CAMK2G: variants seen among roughly 807,000 people sequenced by gnomAD.
The protein encoded by CAMK2G is calcium/calmodulin dependent protein kinase II gamma.
A neutral mutation model predicts 88.7 loss-of-function variants in CAMK2G; 23 were observed. The observed-to-expected ratio is 0.26, with a 90% confidence interval of 0.19 to 0.37. The LOEUF (loss-of-function observed/expected upper bound fraction) is 0.37, where lower values mean the gene tolerates loss of function less well. CAMK2G is among the 10% of genes least tolerant of loss of function. CAMK2G has a pLI of 1.00. For synonymous variants in CAMK2G, 263 were observed against 294.8 expected (o/e 0.89, Z 1.11); for missense variants, 476 against 780.8 (o/e 0.61, Z 4.65).
chr10:73,858,440 A>T (rs1417601471), intron 3 of CAMK2G, among the ~76,000 whole-genome samples: 2 of 152,232 alleles, frequency 1.3e-5, no homozygotes, highest in Non-Finnish European at 2.9e-5. Context: ...GATCCATGGC[A>T]ACCACAGCCG....
intron 19 of CAMK2G, chr10:73,818,585 G>A (rs936241645): frequency 2.4e-6 from 1 of 419,744 alleles, no homozygotes; most frequent in South Asian, 1.7e-5. Context: ...GCACAGCCAA[G>A]CAGCACAGTT....
rs139369516 is a variant in CAMK2G at position 73,839,866 on chromosome 10, C to G, written c.947-265G>C. ...AGGGCTGCAGTGCCTGTCTCATGAC[C>G]CCCTCCGGAGGAGGGTCCACAGCGA... On this transcript the variant is annotated intron_variant, in intron 12 of 22. Transcript: ENST00000423381. This position sits in a 1 kb window ranked among gnomAD's most constrained non-coding sequence, Gnocchi z 4.2. Among the ~76,000 whole-genome samples the G allele has an allele frequency of 0.011, 1,673 of 152,280 alleles. 22 individuals are homozygous for G. The highest frequency in any genetic ancestry group is 0.038 in the African/African-American group (1,560 of 41,552).
At chr10:73,840,739 G>A (rs1442943308) in intron 12 of CAMK2G, among the ~76,000 whole-genome samples, 1 of 152,246 alleles carries the variant, frequency 6.6e-6, no homozygotes. Flanking sequence ...GGCTAAAAGA[G>A]AAGCAGCAGA....
intron 1 of CAMK2G, among the ~76,000 whole-genome samples, chr10:73,873,873 G>T (rs920511302): frequency 7.2e-6 from 1 of 138,066 alleles, no homozygotes; most frequent in East Asian, 2.3e-4. Context: ...CTGCAGGGGT[G>T]GGGGGAGGGG....
chr10:73,845,159 A>G (rs1328385987), intron 10 of CAMK2G, among the ~76,000 whole-genome samples: 1 of 152,168 alleles, frequency 6.6e-6, no homozygotes, highest in African/African-American at 2.4e-5. Context: ...CTCACTACCA[A>G]CTACACAGAA....
chr10:73,837,655 T>C, intron 13 of CAMK2G, 144 bp from the exon 14 acceptor site: 1 of 744,516 alleles, frequency 1.3e-6, no homozygotes, highest in South Asian at 1.4e-5. Context: ...GCACTTCCTA[T>C]AGCCTCTCAG....
At chr10:73,874,079 G>A (rs908547878) in intron 1 of CAMK2G, among the ~76,000 whole-genome samples, 2 of 145,778 alleles carry the variant, frequency 1.4e-5, no homozygotes, top group African/African-American at 5.1e-5. Context: ...ACCGGGCAGC[G>A]TTGGGAGGTG....
chr10:73,840,688 G>A (rs1474951341), intron 12 of CAMK2G, among the ~76,000 whole-genome samples: 1 of 152,228 alleles, frequency 6.6e-6, no homozygotes. Flanking sequence ...TGATGTGGAG[G>A]CCCGGGGCTG....
chr10:73,834,011 C>T (rs556848614), intron 14 of CAMK2G, among the ~76,000 whole-genome samples: 4 of 148,106 alleles, frequency 2.7e-5, no homozygotes, highest in Admixed American at 1.4e-4. Flanking sequence ...CTCCGCCTCC[C>T]GGGTTCACGC....
chr10:73,817,734 G>A (rs940465103), intron 19 of CAMK2G, 180 bp from the exon 20 acceptor site: 4 of 604,584 alleles, frequency 6.6e-6, no homozygotes, highest in Non-Finnish European at 1.2e-5. Flanking sequence ...CCTCTCTGCA[G>A]TCTGCAGAGA....
chr10:73,818,634 G>T (rs1565162656), intron 19 of CAMK2G: 1 of 451,206 alleles, frequency 2.2e-6, no homozygotes, highest in African/African-American at 2.0e-5. Flanking sequence ...TCCAGGAGGG[G>T]GCCCCACAGC....
chr10:73,874,530 C>G lies in CAMK2G; in HGVS notation c.-69G>C. 1 of 1,157,128 alleles carries G rather than the reference C, an allele frequency of 8.6e-7. No homozygotes were observed. The highest frequency in any genetic ancestry group is 1.2e-6 in the Non-Finnish European group (1 of 859,250). The allele number at this position is 1,157,128 out of a possible 1,614,324, so 71.7% of individuals were successfully genotyped here. A position where few individuals can be genotyped will look rare whatever the true frequency, so the allele number is the denominator to read the frequency against. ...CGGTGCACAGTCACCGCCGCCCGGCCGAGGGAGCAAGAGGAGGAGACGGGG... is the reference window on the plus strand; with the variant it reads ...CGGTGCACAGTCACCGCCGCCCGGCGGAGGGAGCAAGAGGAGGAGACGGGG... On this transcript the variant is annotated 5_prime_UTR_variant, in exon 1 of 23. Transcript: ENST00000423381.
intron 10 of CAMK2G, among the ~76,000 whole-genome samples, chr10:73,845,189 C>A (rs1043646474): frequency 6.6e-6 from 1 of 152,156 alleles, no homozygotes; most frequent in Admixed American, 6.5e-5. Flanking sequence ...ATGTGGATTT[C>A]CAATTTTTAG....
intron 3 of CAMK2G, among the ~76,000 whole-genome samples, chr10:73,860,006 A>G (rs1242734400): frequency 1.3e-5 from 2 of 152,188 alleles, no homozygotes; most frequent in Non-Finnish European, 2.9e-5. Context: ...GTCTTTTGTG[A>G]TGACTCAGGG....
At chr10:73,817,578 A>G (rs1435703572) in intron 19 of CAMK2G, 24 bp from the exon 20 acceptor site, 9 of 1,544,814 alleles carry the variant, frequency 5.8e-6, no homozygotes, top group Middle Eastern at 1.7e-4. Context: ...AAATCCATCA[A>G]TTTACCTACT....
At chr10:73,818,848 G>A (rs1198392355) in intron 19 of CAMK2G, 5 of 456,016 alleles carry the variant, frequency 1.1e-5, no homozygotes, top group Admixed American at 9.4e-5. Context: ...AAGGATAGAT[G>A]GTGGGAGGAA....
chr10:73,828,122 C>G lies in CAMK2G; in HGVS notation c.1054-1G>C. 2 of 1,612,814 alleles carry G rather than the reference C, an allele frequency of 1.2e-6. No individual in the cohort carries two copies. Among genetic ancestry groups the G allele is most frequent in the Non-Finnish European group, 1.7e-6 (2 of 1,178,804 alleles). On this transcript the variant is annotated splice_acceptor_variant, in intron 14 of 22. Transcript: ENST00000423381. LOFTEE classifies it high-confidence loss of function. ...GCACGCTGGAACTCGACTTCCTTTT[C>G]TGGACACACCACAGCAAGAGGGAAA...
At chr10:73,854,436 C>A (rs781406824) in intron 3 of CAMK2G, among the ~76,000 whole-genome samples, 1 of 152,190 alleles carries the variant, frequency 6.6e-6, no homozygotes, top group Non-Finnish European at 1.5e-5. Flanking sequence ...GAAACGACTC[C>A]GCTTTGGCTG....
In CAMK2G at chr10:73,847,358, G is replaced by C; in HGVS notation, c.697-11C>G. On this transcript the variant is annotated splice_polypyrimidine_tract_variant and intron_variant, in intron 9 of 22. Transcript: ENST00000423381. Reference sequence around the variant, plus strand: ...TTCTGGTGATGGGAACTAAGGAGCAGGAATAGGGAGAAGAATGTGGTATTG... The same window carrying C: ...TTCTGGTGATGGGAACTAAGGAGCACGAATAGGGAGAAGAATGTGGTATTG... 2.5e-6 allele frequency: 4 copies of C among 1,614,058 alleles called. No individual in the cohort carries two copies. In the South Asian group the frequency reaches 3.3e-5, roughly 13 times the overall value.
Sources: gnomAD v4.1 joint callset for allele counts (sites outside exome capture counted in the v4.1 genomes callset) on GRCh38, gnomAD v4.1.1 for gene constraint, Gnocchi (gnomAD v3.1) non-coding constraint, MANE v1.5 for transcripts, NCBI Gene and HGNC (gene_info 2026-07-23, HGNC 2026-07-21) for gene names.